KANSL1L: variants seen among roughly 807,000 people sequenced by gnomAD.
KANSL1L encodes KAT8 regulatory NSL complex subunit 1 like.
KANSL1L carries 25 observed loss-of-function variants against 108.6 expected under a neutral mutation model. The observed-to-expected ratio is 0.23, with a 90% CI of 0.17 to 0.32. KANSL1L has a LOEUF of 0.32. Ranked by LOEUF, KANSL1L falls within the 10% of genes least tolerant of loss-of-function variation. The pLI is 1.00. For synonymous variants in KANSL1L, 405 were observed against 395.1 expected (o/e 1.03, Z -0.30); for missense variants, 1,137 against 1,125.7 (o/e 1.01, Z -0.14).
chr2:210,088,233 G>A (rs1489743661), intron 5 of KANSL1L: 1 of 152,306 alleles, frequency 6.6e-6, no homozygotes, highest in African/African-American at 2.4e-5. Flanking sequence ...AAGATGGCAG[G>A]TGAAAAAGTT....
At chr2:210,109,120 C>T (rs1559563241) in intron 3 of KANSL1L, among the ~76,000 whole-genome samples, 3 of 152,066 alleles carry the variant, frequency 2.0e-5, no homozygotes. Flanking sequence ...TTCTCTGACC[C>T]TCTGACCCAT....
At chr2:210,140,788 T>C (rs2095220825) in intron 2 of KANSL1L, among the ~76,000 whole-genome samples, 1 of 152,154 alleles carries the variant, frequency 6.6e-6, no homozygotes, top group Non-Finnish European at 1.5e-5. Context: ...ACACAGGATG[T>C]TTTTCCATTT....
At position 210,153,509 on chromosome 2, in the gene KANSL1L, T is replaced by C; in HGVS notation, c.1074A>G (p.Arg358=). The C allele has an allele frequency of 6.2e-7, 1 of 1,613,934 alleles. No homozygotes were observed. The highest frequency in any genetic ancestry group is 2.2e-5 in the East Asian group (1 of 44,874). Residue 358 remains arginine (R), a synonymous_variant, in exon 2 of 15, where the codon AGA becomes AGG. Transcript: ENST00000281772. ...SDDDLDEYTL[R]KNVAVNCSTE... ...TTTGCACTTACACTGCCACATTTTT[T>C]CTAAGGGTATATTCATCCAAATCGT... is the stretch of plus-strand genomic sequence containing the variant.
intron 2 of KANSL1L, among the ~76,000 whole-genome samples, chr2:210,134,540 T>A (rs1192459250): frequency 6.6e-6 from 1 of 152,170 alleles, no homozygotes; most frequent in East Asian, 1.9e-4. Flanking sequence ...AATTCTGTTC[T>A]GACAGGTTAT....
rs1318806954 is a variant in KANSL1L at position 210,098,083 on chromosome 2, T to C, written c.1550+3A>G. The C allele has an allele frequency of 1.2e-6, 2 of 1,604,430 alleles. No homozygotes were observed. The highest frequency in any genetic ancestry group is 1.1e-5 in the South Asian group (1 of 89,294). The stretch of plus-strand genomic sequence containing the variant: ...AAAGCTAAGCTATTCCATTGATACC[T>C]ACCTCCTGTAAATGCCATTAGCCAG... On this transcript the variant is annotated splice_donor_region_variant and intron_variant, in intron 5 of 14. Transcript: ENST00000281772.
At chr2:210,065,491 G>C (rs1014167188) in intron 6 of KANSL1L, among the ~76,000 whole-genome samples, 1 of 151,260 alleles carries the variant, frequency 6.6e-6, no homozygotes, top group African/African-American at 2.4e-5. Context: ...TGTGGCCTCA[G>C]TGTCAAGATC....
In KANSL1L at chr2:210,029,927, G is replaced by C. The variant is rs746330572; in HGVS notation, c.2156-9C>G. On this transcript the variant is annotated splice_polypyrimidine_tract_variant and intron_variant, in intron 9 of 14. Transcript: ENST00000281772. ...AAGTTTAGTTCTTTCTCCTGCCATG[G>C]AAAGAACCATTGAATGTTACACATT... The C allele has an allele frequency of 7.9e-6, 11 of 1,399,316 alleles. No homozygotes were observed. In the East Asian group the frequency reaches 2.3e-4, roughly 29 times the overall value. The allele number at this position is 1,399,316 out of a possible 1,614,324, so 86.7% of individuals were successfully genotyped here.
rs755386931 is a variant in KANSL1L, at chr2:210,024,144, G to A, written c.2622C>T (p.Asn874=). 2.0e-5 allele frequency: 32 copies of A among 1,609,902 alleles called. No homozygotes were observed. Among genetic ancestry groups the A allele is most frequent in the Non-Finnish European group, 2.5e-5 (30 of 1,177,976 alleles). The change falls in exon 14 of 15, where the codon AAC becomes AAT. Residue 874 remains asparagine, a synonymous_variant. Transcript: ENST00000281772. ...CAGCACATTGCTGACTGCTACTGAA[G>A]TTATTAGGGTATTCTTTCAAAAGCA... ...QDLLLKEYPN[N]FSSSQQCAAA...
chr2:210,023,003 C>G lies in KANSL1L; in HGVS notation c.2910G>C (p.Met970Ile), dbSNP rs1389835984. 2 of 1,613,758 alleles carry G rather than the reference C, an allele frequency of 1.2e-6. No homozygotes were observed. The highest frequency in any genetic ancestry group is 1.3e-5 in the African/African-American group (1 of 74,868). The change falls in exon 15 of 15, where the codon ATG becomes ATC. Residue 970 changes from methionine (M) to isoleucine (I), a missense_variant. By Grantham distance (10) the Met-to-Ile change is conservative. Around this residue, in one of 3 missense-constraint regions of KANSL1L, gnomAD observed 575 missense variants for 567.1 expected, o/e 1.01. Transcript: ENST00000281772. ...CTAGACCAAAGGTTTTGTATTCTTC[C>G]ATTCCATCTGACTGCTTTTTTGGAT... ...GHHPKKQSDG[M>I]EEYKTFGLGL...
At chr2:210,029,046 A>T in intron 10 of KANSL1L, 77 bp from the exon 11 acceptor site, 1 of 1,236,070 alleles carries the variant, frequency 8.1e-7, no homozygotes, top group Non-Finnish European at 1.1e-6. Flanking sequence ...TCAGTTATGT[A>T]AATATGGCAG....
intron 5 of KANSL1L, among the ~76,000 whole-genome samples, chr2:210,086,960 A>G (rs1391512009): frequency 6.6e-6 from 1 of 152,006 alleles, no homozygotes; most frequent in Non-Finnish European, 1.5e-5. Context: ...AAAGGCCTTT[A>G]AATAACAAAA....
At chr2:210,103,425 A>T (rs992337433) in intron 4 of KANSL1L, among the ~76,000 whole-genome samples, 9 of 152,164 alleles carry the variant, frequency 5.9e-5, no homozygotes, top group Non-Finnish European at 1.0e-4. Context: ...CATATGTAAC[A>T]AACCTGCACG....
At chr2:210,050,685 T>C (rs1355264093) in intron 6 of KANSL1L, among the ~76,000 whole-genome samples, 10 of 130,064 alleles carry the variant, frequency 7.7e-5, no homozygotes, top group Admixed American at 6.6e-4. Flanking sequence ...AGTGAGACCA[T>C]CTCTACAGAA....
chr2:210,077,998 A>G (rs995936830), intron 5 of KANSL1L, among the ~76,000 whole-genome samples: 3 of 152,172 alleles, frequency 2.0e-5, no homozygotes, highest in African/African-American at 7.2e-5. Context: ...GTTATTTTTT[A>G]TTTGTGTGAA....
Position 210,034,959 on chromosome 2 carries a change from C to CAG in KANSL1L, c.2030-3415_2030-3414dup, listed in dbSNP as rs753291627. Among the ~76,000 whole-genome samples the CAG allele has an allele frequency of 9.8e-5, 15 of 152,322 alleles. No individual in the cohort carries two copies. In the East Asian group the frequency reaches 2.7e-3, roughly 27 times the overall value. ...TCACATTTGCTTTACCTCCTTCTTTCAGACCACAAATGAAATTTAGTTGCT... is the reference window on the plus strand; with the variant it reads ...TCACATTTGCTTTACCTCCTTCTTTCAGAGACCACAAATGAAATTTAGTTGCT... On this transcript the variant is annotated intron_variant, in intron 8 of 14. Coordinates refer to ENST00000281772, the MANE Select transcript of KANSL1L (RefSeq NM_152519.4).
intron 6 of KANSL1L, among the ~76,000 whole-genome samples, chr2:210,054,213 T>C (rs1284710320): frequency 6.6e-6 from 1 of 151,546 alleles, no homozygotes; most frequent in African/African-American, 2.4e-5. Context: ...TCCCAGCTAC[T>C]TGGGAGGCTG....
chr2:210,154,458 C>A lies in KANSL1L; in HGVS notation c.125G>T (p.Gly42Val), dbSNP rs1001134724. The change falls in exon 2 of 15, where the codon GGA becomes GTA. Residue 42 changes from glycine (G) to valine (V), a missense_variant. Physicochemically the swap from Gly to Val is moderately radical, Grantham distance 109 (BLOSUM62 -3). Around this residue, in one of 3 missense-constraint regions of KANSL1L, gnomAD observed 556 missense variants for 537.7 expected, o/e 1.03. Transcript: ENST00000281772. ...SPRTVDEKLK[G>V]DTFSQMLGFP... ...TCCAAGCATCTGAGAAAAGGTGTCTCCCTTTAGCTTTTCATCTACAGTTCT... is the reference window on the plus strand; with the variant it reads ...TCCAAGCATCTGAGAAAAGGTGTCTACCTTTAGCTTTTCATCTACAGTTCT... The A allele has an allele frequency of 6.2e-7, 1 of 1,613,234 alleles. No individual in the cohort carries two copies. The highest frequency in any genetic ancestry group is 1.3e-5 in the African/African-American group (1 of 74,880).
intron 6 of KANSL1L, among the ~76,000 whole-genome samples, chr2:210,047,670 G>A (rs77471742): frequency 1.3e-5 from 2 of 152,116 alleles, no homozygotes; most frequent in Non-Finnish European, 2.9e-5. Context: ...TCTAAATCCA[G>A]TATCAGAATC....
At chr2:210,083,644 C>T (rs754488930) in intron 5 of KANSL1L, among the ~76,000 whole-genome samples, 5 of 151,626 alleles carry the variant, frequency 3.3e-5, no homozygotes, top group African/African-American at 4.8e-5. Context: ...CTGGCTAACA[C>T]GGTGAAACCC....
Sources: allele counts gnomAD v4.1 joint callset (sites outside exome capture counted in the v4.1 genomes callset), GRCh38; gene constraint gnomAD v4.1.1; regional missense constraint gnomAD v4.1.1; transcripts MANE v1.5; gene names NCBI Gene and HGNC (gene_info 2026-07-23, HGNC 2026-07-21).